The following PPP6R2 variants were observed in gnomAD, a reference collection of about 807,000 sequenced individuals.
The protein encoded by PPP6R2 is serine/threonine-protein phosphatase 6 regulatory subunit 2.
PPP6R2 carries 62 observed loss-of-function variants against 100.2 expected under a neutral mutation model. The ratio of observed to expected loss-of-function variants is 0.62; its 90% CI spans 0.50 to 0.76. The LOEUF (loss-of-function observed/expected upper bound fraction) is 0.76, where lower values mean the gene tolerates loss of function less well. PPP6R2 is among the 30% of genes least tolerant of loss of function. The pLI is 0.00. For missense variants in PPP6R2, 1,142 were observed against 1,276.3 expected (o/e 0.89, Z 1.60); for synonymous variants, 525 against 514.7 (o/e 1.02, Z -0.27).
chr22:50,399,082 C>CTAAAAA (rs985294210), intron 3 of PPP6R2, among the ~76,000 whole-genome samples: 4 of 151,930 alleles, frequency 2.6e-5, no homozygotes, highest in African/African-American at 9.7e-5. Flanking sequence ...CCCGTCTGTA[C>CTAAAAA]TAAAAATACA....
intron 1 of PPP6R2, among the ~76,000 whole-genome samples, chr22:50,355,060 C>T (rs1030837252): frequency 6.6e-6 from 1 of 151,340 alleles, no homozygotes; most frequent in African/African-American, 2.4e-5. Context: ...CCAGGCTGAT[C>T]CTGAACTCCT....
In PPP6R2 at chr22:50,431,581, C is replaced by G. The variant is rs1042394078; in HGVS notation, c.1335+199C>G. ...TCTTGCAGATCTCATTCCTACCTGC[C>G]TTCAGCAGGGGTACTGGTGCCTTCC... On this transcript the variant is annotated intron_variant, in intron 11 of 23. Coordinates refer to ENST00000612753, the MANE Select transcript of PPP6R2 (RefSeq NM_001242898.2). This position sits in a 1 kb window ranked among gnomAD's most constrained non-coding sequence, Gnocchi z 4.8. Among the ~76,000 whole-genome samples the G allele has an allele frequency of 6.6e-6, 1 of 152,244 alleles. No individual in the cohort carries two copies. The highest frequency in any genetic ancestry group is 2.4e-5 in the African/African-American group (1 of 41,466).
intron 2 of PPP6R2, among the ~76,000 whole-genome samples, chr22:50,383,425 C>A (rs568850247): frequency 1.3e-5 from 2 of 152,052 alleles, no homozygotes; most frequent in African/African-American, 4.8e-5. Context: ...TAGGGTTGCC[C>A]GTGTTTTCCC....
chr22:50,331,778 A>G, the PPP6R2 span, among the ~76,000 whole-genome samples: 1 of 152,128 alleles, frequency 6.6e-6, no homozygotes, highest in African/African-American at 2.4e-5. Flanking sequence ...GCATGCTACC[A>G]TTCCTGGATA....
intron 4 of PPP6R2, 132 bp from the exon 5 acceptor site, chr22:50,414,420 C>T: frequency 1.1e-6 from 1 of 925,458 alleles, no homozygotes; most frequent in Non-Finnish European, 1.5e-6. Flanking sequence ...TTCTTACAAT[C>T]TTGTCTGGGT....
rs138607762 is a variant in PPP6R2, at chr22:50,435,022, C to T, written c.1457C>T (p.Ala486Val). ...GGCCACCTCACACGGATCGCCAACG[C>T]GGTGGTGCAGAACCTGGAGCGGGGC... ...NMGHLTRIAN[A>V]VVQNLERGPV... The change falls in exon 13 of 24, where the codon GCG becomes GTG. Residue 486 changes from alanine (A) to valine (V), a missense_variant. Coordinates refer to ENST00000612753, the MANE Select transcript of PPP6R2 (RefSeq NM_001242898.2). 3.9e-3 allele frequency: 6,331 copies of T among 1,603,542 alleles called. 16 individuals are homozygous for T. The highest frequency in any genetic ancestry group is 4.9e-3 in the Non-Finnish European group (5,727 of 1,174,874).
At chr22:50,343,719 C>A (rs528134299) in intron 1 of PPP6R2, among the ~76,000 whole-genome samples, 169 bp downstream of exon 1, 7 of 102,156 alleles carry the variant, frequency 6.9e-5, no homozygotes, top group Non-Finnish European at 1.0e-4. Context: ...AGTGCCCCCC[C>A]CAAGTCAGTC....
chr22:50,391,553 T>C (rs891352358), intron 2 of PPP6R2, among the ~76,000 whole-genome samples: 1 of 151,984 alleles, frequency 6.6e-6, no homozygotes, highest in African/African-American at 2.4e-5. Context: ...TGAGCTATGA[T>C]TGTGGCACTG....
intron 2 of PPP6R2, among the ~76,000 whole-genome samples, chr22:50,379,850 G>A (rs1430036012): frequency 6.6e-6 from 1 of 152,170 alleles, no homozygotes; most frequent in African/African-American, 2.4e-5. Context: ...TCCAGCCTGG[G>A]TGGCAGACCG....
At chr22:50,407,302 G>A (rs542930978) in intron 4 of PPP6R2, 18 of 190,538 alleles carry the variant, frequency 9.4e-5, no homozygotes, top group South Asian at 3.2e-4. Context: ...AGCTGAGATC[G>A]TACCACTGCA....
chr22:50,397,448 G>T (rs939827339), intron 3 of PPP6R2, among the ~76,000 whole-genome samples: 1 of 152,142 alleles, frequency 6.6e-6, no homozygotes, highest in Admixed American at 6.6e-5. Flanking sequence ...AGAAATGTAT[G>T]TGTGTATTAT....
upstream of PPP6R2, among the ~76,000 whole-genome samples, chr22:50,339,547 TGTGTGTGTG>T (rs1399383806): frequency 2.8e-5 from 3 of 107,634 alleles, no homozygotes; most frequent in South Asian, 3.2e-4. Context: ...GTGTGTGTGG[TGTGTGTGTG>T]GTGTGTGTGG....
At chr22:50,392,477 T>G (rs2055828761) in intron 2 of PPP6R2, among the ~76,000 whole-genome samples, 1 of 152,154 alleles carries the variant, frequency 6.6e-6, no homozygotes, top group African/African-American at 2.4e-5. Context: ...TCTTCACCTC[T>G]AAGCCCATGG....
At position 50,438,696 on chromosome 22, in the gene PPP6R2, C is replaced by G; in HGVS notation, c.2062C>G (p.Pro688Ala). Residue 688 changes from proline (P) to alanine (A), a missense_variant, in exon 19 of 24, where the codon CCT (proline) becomes GCT (alanine). Pro to Ala is a conservative substitution (Grantham distance 27). This residue lies in a region of PPP6R2 where 550 missense variants were observed against 517.4 expected (regional missense o/e 1.06). Coordinates refer to ENST00000612753, the MANE Select transcript of PPP6R2 (RefSeq NM_001242898.2). Reference sequence around the variant, plus strand: ...GAGCTTGGAAGCACACAGAGATGCACCTGGGGCAGGTGCCCCACCGGCCCC... The same window carrying G: ...GAGCTTGGAAGCACACAGAGATGCAGCTGGGGCAGGTGCCCCACCGGCCCC... ...KASLEAHRDA[P>A]GAGAPPAPGK... 6.2e-7 allele frequency: 1 copy of G among 1,613,772 alleles called. No homozygotes were observed. The highest frequency in any genetic ancestry group is 8.5e-7 in the Non-Finnish European group (1 of 1,179,918).
intron 2 of PPP6R2, among the ~76,000 whole-genome samples, chr22:50,391,453 AAAAT>A (rs2055521170): frequency 6.6e-6 from 1 of 151,538 alleles, no homozygotes; most frequent in Non-Finnish European, 1.5e-5. Flanking sequence ...AAAAAAAAAA[AAAAT>A]GTAAACATTA....
At chr22:50,350,405 A>T (rs1236957353) in intron 1 of PPP6R2, among the ~76,000 whole-genome samples, 1 of 151,190 alleles carries the variant, frequency 6.6e-6, no homozygotes, top group South Asian at 2.1e-4. Flanking sequence ...TAATTTTTGC[A>T]TTTTCTATAA....
At chr22:50,390,018 GTC>G (rs2055130787) in intron 2 of PPP6R2, among the ~76,000 whole-genome samples, 1 of 143,822 alleles carries the variant, frequency 7.0e-6, no homozygotes, top group Non-Finnish European at 1.5e-5. Flanking sequence ...TTGAGATGGA[GTC>G]TCTCACTGTC....
In PPP6R2 at chr22:50,438,353, A is replaced by G. The variant is rs1214827136; in HGVS notation, c.1964+55A>G. 3.8e-6 allele frequency: 6 copies of G among 1,575,588 alleles called. No homozygotes were observed. The East Asian group carries it at 1.3e-4, about 35-fold the overall frequency. ...TCTGCCGAGGAGGTTCAGCCCCCAG[A>G]ACACCTGTCAGACGCCCTGTGGTTC... On this transcript the variant is annotated intron_variant, in intron 18 of 23. Transcript: ENST00000612753.
intron 10 of PPP6R2, among the ~76,000 whole-genome samples, chr22:50,428,988 C>T (rs1215937180): frequency 1.3e-5 from 2 of 151,966 alleles, no homozygotes; most frequent in Non-Finnish European, 2.9e-5. Flanking sequence ...GAAGATATTT[C>T]CTTCTATTCC....
Sources: allele counts gnomAD v4.1 joint callset (sites outside exome capture counted in the v4.1 genomes callset), GRCh38; gene constraint gnomAD v4.1.1; regional missense constraint gnomAD v4.1.1; non-coding constraint Gnocchi (gnomAD v3.1); transcripts MANE v1.5; gene names NCBI Gene and HGNC (gene_info 2026-07-23, HGNC 2026-07-21).